The following MBD5 variants were observed in gnomAD, a reference collection of about 807,000 sequenced individuals.
MBD5 encodes the protein methyl-CpG binding domain protein 5, also known as methyl-CpG-binding domain protein 5.
Under a neutral mutation model 117.3 loss-of-function variants are expected in MBD5, and 13 were observed. That is an observed-to-expected ratio of 0.11 (90% CI 0.07 to 0.18). The LOEUF (loss-of-function observed/expected upper bound fraction) is 0.18, where lower values mean the gene tolerates loss of function less well. Among genes scored for constraint, MBD5 ranks in the 10% least tolerant of loss-of-function variants. MBD5 has a pLI of 1.00. For missense variants in MBD5, 1,879 were observed against 2,093.8 expected (o/e 0.90, Z 2.00); for synonymous variants, 727 against 766.4 (o/e 0.95, Z 0.85).
chr2:148,381,831 A>G (rs1433008576), intron 4 of MBD5, among the ~76,000 whole-genome samples: 1 of 152,192 alleles, frequency 6.6e-6, no homozygotes, highest in East Asian at 1.9e-4. Flanking sequence ...AGAATTTTCA[A>G]CCCAGAATTT....
intron 3 of MBD5, among the ~76,000 whole-genome samples, chr2:148,240,826 C>G (rs542853332): frequency 6.6e-6 from 1 of 152,172 alleles, no homozygotes; most frequent in South Asian, 2.1e-4. Context: ...CATTTTGATA[C>G]TATACTTTTT....
intron 4 of MBD5, among the ~76,000 whole-genome samples, chr2:148,366,072 C>T (rs1028948227): frequency 2.0e-5 from 3 of 152,074 alleles, no homozygotes; most frequent in African/African-American, 7.2e-5. Flanking sequence ...ATGTAAAAAT[C>T]CTCAATAAAA....
Position 148,458,870 on chromosome 2 carries a change from A to G in MBD5, c.112A>G (p.Ser38Gly). The G allele has an allele frequency of 1.9e-6, 3 of 1,612,076 alleles. No homozygotes were observed. The highest frequency in any genetic ancestry group is 2.5e-6 in the Non-Finnish European group (3 of 1,178,334). ...RVDQNGVLYV[S>G]PSGSLLSCLE... is the part of the protein sequence containing the mutation. ...GGATCAAAATGGAGTGCTTTATGTC[A>G]GGTAAGTTCTTATTATTACCTGTGG... Residue 38 changes from serine (S) to glycine (G), a missense_variant and splice_region_variant, in exon 5 of 14, where the codon AGT becomes GGT. Ser to Gly is a moderately conservative substitution (Grantham distance 56). This residue lies in a region of MBD5 where 71 missense variants were observed against 129.2 expected (regional missense o/e 0.55). Coordinates refer to ENST00000642680, the MANE Select transcript of MBD5 (RefSeq NM_001378120.1).
At chr2:148,227,435 A>G (rs1254141743) in intron 2 of MBD5, among the ~76,000 whole-genome samples, 4 of 152,048 alleles carry the variant, frequency 2.6e-5, no homozygotes, top group South Asian at 4.1e-4. Flanking sequence ...GATACGCGGC[A>G]TTATTTCTGA....
intron 3 of MBD5, among the ~76,000 whole-genome samples, chr2:148,240,928 G>A (rs1371410600): frequency 6.6e-6 from 1 of 150,912 alleles, no homozygotes; most frequent in African/African-American, 2.4e-5. Flanking sequence ...AGGTATACTT[G>A]GTTCTTTTTT....
At chr2:148,502,367 G>GA in intron 11 of MBD5, 69 bp from the exon 12 acceptor site, 1 of 1,458,232 alleles carries the variant, frequency 6.9e-7, no homozygotes, top group Non-Finnish European at 9.6e-7. Context: ...TGTACGGCAG[G>GA]AAAGTAAAAA....
Position 148,513,377 on chromosome 2 carries a change from AC to A in MBD5, c.*437del, listed in dbSNP as rs1244150803. 4 of 173,474 alleles carry A rather than the reference AC, an allele frequency of 2.3e-5. No homozygotes were observed. The highest frequency in any genetic ancestry group is 7.2e-5 in the African/African-American group (3 of 41,848). 10.7% of individuals were successfully genotyped at this position (173,474 alleles called of 1,614,324 possible). On this transcript the variant is annotated 3_prime_UTR_variant, in exon 14 of 14. Transcript: ENST00000642680. ...CTTTTATTGTACAAAGAAATAGTGT[AC>A]AAAATTCTTTGGTTTCTATGGAGTA...
At chr2:148,124,307 AC>A (rs1696837570) in intron 1 of MBD5, among the ~76,000 whole-genome samples, 1 of 151,660 alleles carries the variant, frequency 6.6e-6, no homozygotes, top group Non-Finnish European at 1.5e-5. Context: ...AAACACACAC[AC>A]ACACAAAAAA....
intron 1 of MBD5, among the ~76,000 whole-genome samples, chr2:148,120,864 A>T (rs1012930815): frequency 1.3e-5 from 2 of 152,242 alleles, no homozygotes; most frequent in African/African-American, 4.8e-5. Context: ...GAGAGAAAGC[A>T]TGTAGTGCCT....
chr2:148,061,927 T>C (rs900872686), intron 1 of MBD5, among the ~76,000 whole-genome samples: 18 of 151,694 alleles, frequency 1.2e-4, no homozygotes, highest in Admixed American at 2.6e-4. Flanking sequence ...GTTTTTTTTT[T>C]CCGTTTTTAT....
intron 3 of MBD5, among the ~76,000 whole-genome samples, chr2:148,305,510 A>G (rs1237220048): frequency 1.3e-5 from 2 of 152,200 alleles, no homozygotes; most frequent in Admixed American, 6.5e-5. Context: ...GGCTCAAAGC[A>G]TCTTTAAATG....
intron 4 of MBD5, among the ~76,000 whole-genome samples, chr2:148,383,525 A>G (rs1034002437): frequency 9.9e-5 from 15 of 152,238 alleles, no homozygotes; most frequent in African/African-American, 3.4e-4. Context: ...TCTACCAGAG[A>G]TACAAGGAGG....
At chr2:148,474,246 A>G (rs1574466359) in intron 8 of MBD5, among the ~76,000 whole-genome samples, 1 of 152,288 alleles carries the variant, frequency 6.6e-6, no homozygotes. Flanking sequence ...AGGCCTCTTT[A>G]ATCCTCTGAC....
rs569383891 is a variant in MBD5, at chr2:148,064,836, G to A, written c.-925+43152G>A. Among the ~76,000 whole-genome samples the A allele has an allele frequency of 1.4e-4, 22 of 151,924 alleles. No individual in the cohort carries two copies. The South Asian group carries it at 4.6e-3, about 32-fold the overall frequency. ...TTCTTTTATTTCTTTAGTAATTGAT[G>A]TATGAAAAACAGAATAATTACAATC... is the stretch of plus-strand genomic sequence containing the variant. On this transcript the variant is annotated intron_variant, in intron 1 of 13. Transcript: ENST00000642680.
intron 3 of MBD5, among the ~76,000 whole-genome samples, chr2:148,246,209 T>A (rs1463787520): frequency 1.3e-5 from 2 of 152,182 alleles, no homozygotes; most frequent in Non-Finnish European, 2.9e-5. Context: ...TTAACTGACT[T>A]GCCCAAGGAC....
intron 4 of MBD5, among the ~76,000 whole-genome samples, chr2:148,422,461 T>C (rs959670860): frequency 2.0e-5 from 3 of 151,994 alleles, no homozygotes; most frequent in Non-Finnish European, 4.4e-5. Context: ...GGTAGATAAA[T>C]CCACGAAGAT....
intron 3 of MBD5, among the ~76,000 whole-genome samples, chr2:148,242,475 C>T (rs967556124): frequency 6.6e-6 from 1 of 152,030 alleles, no homozygotes; most frequent in Non-Finnish European, 1.5e-5. Context: ...ACTGCATGGC[C>T]AGTGTTCTGG....
At chr2:148,325,789 C>T (rs1007016393) in intron 3 of MBD5, among the ~76,000 whole-genome samples, 1 of 152,032 alleles carries the variant, frequency 6.6e-6, no homozygotes, top group African/African-American at 2.4e-5. Flanking sequence ...AAAACCAGCT[C>T]CTGGATTCGT....
Position 148,278,761 on chromosome 2 carries a change from G to T in MBD5, c.-680+45366G>T, listed in dbSNP as rs540684829. ...AAATCCCATGATAGACTGCAAGCTA[G>T]AGAACCAGGAAAGCCAAAATACTCA... On this transcript the variant is annotated intron_variant, in intron 3 of 13. Transcript: ENST00000642680. Among the ~76,000 whole-genome samples the T allele has an allele frequency of 1.5e-4, 23 of 152,292 alleles. No homozygotes were observed. The South Asian group carries it at 4.8e-3, about 32-fold the overall frequency.
Sources: gnomAD v4.1 joint callset for allele counts (sites outside exome capture counted in the v4.1 genomes callset) on GRCh38, gnomAD v4.1.1 for gene constraint, gnomAD v4.1.1 regional missense constraint, MANE v1.5 for transcripts, NCBI Gene and HGNC (gene_info 2026-07-23, HGNC 2026-07-21) for gene names.